Variants in MYH11 observed in about 807,000 individuals in gnomAD.
MYH11 encodes myosin-11.
In MYH11, 80 loss-of-function variants were observed where a neutral mutation model predicts 246.6. The ratio of observed to expected loss-of-function variants is 0.32; its 90% CI spans 0.27 to 0.39. MYH11 has a LOEUF of 0.39. Among genes scored for constraint, MYH11 ranks in the 10% least tolerant of loss-of-function variants. MYH11 has a pLI of 1.00. For missense variants in MYH11, 2,158 were observed against 2,546.8 expected, an observed-to-expected ratio of 0.85 and a Z score of 3.29; for synonymous variants, 1,071 against 1,015.5, an observed-to-expected ratio of 1.05 and a Z score of -1.04.
chr16:15,842,762 C>CAAAAAAAAAAAAAAAAAAA (rs757920488), intron 1 of MYH11, among the ~76,000 whole-genome samples: 3 of 19,674 alleles, frequency 1.5e-4, no homozygotes, highest in African/African-American at 3.3e-4. Context: ...AGACTTCATC[C>CAAAAAAAAAAAAAAAAAAA]AAAAAAAAAA....
chr16:15,710,921 G>A (rs1236188836), intron 40 of MYH11, among the ~76,000 whole-genome samples: 2 of 152,036 alleles, frequency 1.3e-5, no homozygotes, highest in Non-Finnish European at 2.9e-5. Context: ...CAGGTGATCA[G>A]CCCACCTCAG....
At chr16:15,801,519 A>G (rs897931704) in intron 3 of MYH11, among the ~76,000 whole-genome samples, 1 of 151,410 alleles carries the variant, frequency 6.6e-6, no homozygotes, top group African/African-American at 2.4e-5. Context: ...TTAATTAGCT[A>G]TGTGTGATAG....
At chr16:15,855,665 A>G (rs1411166920) in intron 1 of MYH11, among the ~76,000 whole-genome samples, 2 of 152,230 alleles carry the variant, frequency 1.3e-5, no homozygotes. Context: ...AACGGTAGCT[A>G]TCTCAAAGGG....
intron 25 of MYH11, 46 bp downstream of exon 25, chr16:15,737,403 G>A (rs2041150194): frequency 6.2e-7 from 1 of 1,603,926 alleles, no homozygotes; most frequent in Non-Finnish European, 8.5e-7. Context: ...CAGGGGCCCA[G>A]GGGATACATG....
In MYH11 at chr16:15,741,479, A is replaced by G. The variant is rs749945246; in HGVS notation, c.2843T>C (p.Met948Thr). The G allele has an allele frequency of 1.2e-6, 2 of 1,608,346 alleles. No individual in the cohort carries two copies. The highest frequency in any genetic ancestry group is 2.2e-5 in the East Asian group (1 of 44,870). The change falls in exon 22 of 41, where the codon ATG becomes ACG. Residue 948 changes from methionine (M) to threonine (T), a missense_variant. Physicochemically the swap from Met to Thr is moderately conservative, Grantham distance 81 (BLOSUM62 -1). Around this residue, in one of 11 missense-constraint regions of MYH11, gnomAD observed 284 missense variants for 315.4 expected, o/e 0.90. Transcript: ENST00000300036. ...ACACCTTACCAGCATCTGCTGGGCC[A>G]TCTTCTTCCTTTCAGCCTGTAGCTG... ...GQQLQAERKK[M>T]AQQMLDLEEQ...
chr16:15,838,897 T>A (rs1341333174), intron 1 of MYH11, among the ~76,000 whole-genome samples: 2 of 144,522 alleles, frequency 1.4e-5, no homozygotes, highest in Non-Finnish European at 1.5e-5. Flanking sequence ...CGGAAGTAAG[T>A]GTACACGTGC....
chr16:15,757,710 G>A, intron 13 of MYH11, 117 bp downstream of exon 13: 5 of 1,308,636 alleles, frequency 3.8e-6, no homozygotes, highest in Non-Finnish European at 5.4e-6. Context: ...ACTGGGTGAT[G>A]GATTGGGTGG....
chr16:15,714,880 G>T (rs368788669), intron 40 of MYH11, 29 bp downstream of exon 40: 16 of 1,611,994 alleles, frequency 9.9e-6, no homozygotes, highest in Non-Finnish European at 1.4e-5. Flanking sequence ...CCTGAGAGAC[G>T]GGGTCCTCCC....
At chr16:15,745,844 C>G (rs1297383107) in intron 19 of MYH11, among the ~76,000 whole-genome samples, 1 of 152,094 alleles carries the variant, frequency 6.6e-6, no homozygotes, top group Non-Finnish European at 1.5e-5. Context: ...ACCTTGGCCT[C>G]CCAAAGTGCT....
chr16:15,811,146 C>T (rs1043795245), intron 3 of MYH11, among the ~76,000 whole-genome samples: 2 of 152,076 alleles, frequency 1.3e-5, no homozygotes, highest in African/African-American at 2.4e-5. Flanking sequence ...TGAGACACAG[C>T]GAGAAGGCAG....
intron 3 of MYH11, among the ~76,000 whole-genome samples, chr16:15,818,595 T>C (rs1596894548): frequency 6.6e-6 from 1 of 151,908 alleles, no homozygotes; most frequent in African/African-American, 2.4e-5. Context: ...CCACTGTGCC[T>C]GGCTAGTTTT....
intron 10 of MYH11, among the ~76,000 whole-genome samples, chr16:15,762,460 C>T (rs1354342359): frequency 6.6e-6 from 1 of 152,172 alleles, no homozygotes; most frequent in Non-Finnish European, 1.5e-5. Flanking sequence ...GATAACATCA[C>T]TATTGTAAAA....
chr16:15,717,231 C>T lies in MYH11; in HGVS notation c.5413G>A (p.Glu1805Lys). 1 of 1,614,228 alleles carries T rather than the reference C, an allele frequency of 6.2e-7. No homozygotes were observed. Residue 1805 changes from glutamate to lysine, a missense_variant, in exon 38 of 41, where the codon GAG (glutamate) becomes AAG (lysine). Physicochemically the swap from Glu to Lys is moderately conservative, Grantham distance 56 (BLOSUM62 1). This residue lies in a region of MYH11 where 1,013 missense variants were observed against 993.5 expected (regional missense o/e 1.02). Transcript: ENST00000300036. ...TTGAACTTGGACTTGACGGCCCCCT[C>T]CATCTCGTGGAGCTTGCTCCGGAGC... ...KELRSKLHEM[E>K]GAVKSKFKST...
intron 3 of MYH11, among the ~76,000 whole-genome samples, chr16:15,804,638 C>G (rs891800899): frequency 6.6e-6 from 1 of 152,134 alleles, no homozygotes; most frequent in Admixed American, 6.6e-5. Context: ...TCTGTCACCC[C>G]CAAATGAAAC....
At position 15,739,921 on chromosome 16, in the gene MYH11, T is replaced by C. The variant is rs1340482382; in HGVS notation, c.2997+130A>G. 6.2e-6 allele frequency: 6 copies of C among 968,856 alleles called. No homozygotes were observed. In the African/African-American group the frequency reaches 8.1e-5, roughly 13 times the overall value. 60.0% of individuals were successfully genotyped at this position (968,856 alleles called of 1,614,324 possible). On this transcript the variant is annotated intron_variant, in intron 23 of 40. Transcript: ENST00000300036. ...CACACCTGGCTAATCTTTGTATTTTTAGTAGAGATGGAGTTTTACCCTGTT... is the reference window on the plus strand; with the variant it reads ...CACACCTGGCTAATCTTTGTATTTTCAGTAGAGATGGAGTTTTACCCTGTT...
rs771296624 is a variant in MYH11, at chr16:15,771,625, A to G, written c.977T>C (p.Phe326Ser). ...PIPAAQDDEM[F>S]QETVEAMAIM... ...TGCCATGGCCTCCACGGTTTCCTGG[A>G]ACATCTCATCATCCTGGGCTGCTGG... The change falls in exon 9 of 41, where the codon TTC (phenylalanine) becomes TCC (serine). Residue 326 changes from phenylalanine (F) to serine (S), a missense_variant. Physicochemically the swap from Phe to Ser is radical, Grantham distance 155. This residue lies in a region of MYH11 where 75 missense variants were observed against 70.0 expected (regional missense o/e 1.07). Transcript: ENST00000300036. 6.2e-7 allele frequency: 1 copy of G among 1,614,038 alleles called. No individual in the cohort carries two copies. Among genetic ancestry groups the G allele is most frequent in the Non-Finnish European group, 8.5e-7 (1 of 1,180,010 alleles).
chr16:15,817,336 A>G (rs542894588), intron 3 of MYH11, among the ~76,000 whole-genome samples: 2 of 152,222 alleles, frequency 1.3e-5, no homozygotes, highest in East Asian at 3.9e-4. Context: ...TACTAAAAAT[A>G]CAAAAATTAG....
rs369335485 is a variant in MYH11 at position 15,724,200 on chromosome 16, G to C, written c.4326C>G (p.Leu1442=). Residue 1442 remains leucine, a synonymous_variant, in exon 31 of 41, where the codon CTC becomes CTG. Transcript: ENST00000300036. ...TCTGCTTCTTTTCCAGGTTGGACAC[G>C]AGTTGCCGCTGGTTGTCCAAATCAA... is the stretch of plus-strand genomic sequence containing the variant. ...LVVDLDNQRQ[L]VSNLEKKQRK... 1.2e-6 allele frequency: 2 copies of C among 1,613,936 alleles called. No individual in the cohort carries two copies. The highest frequency in any genetic ancestry group is 2.7e-5 in the African/African-American group (2 of 74,912).
intron 40 of MYH11, 91 bp downstream of exon 40, chr16:15,714,818 A>T: frequency 6.7e-7 from 1 of 1,491,602 alleles, no homozygotes; most frequent in East Asian, 2.3e-5. Flanking sequence ...CTGTGGGCAC[A>T]AGGGGCATTT....
Sources: gnomAD v4.1 joint callset for allele counts (sites outside exome capture counted in the v4.1 genomes callset) on GRCh38, gnomAD v4.1.1 for gene constraint, gnomAD v4.1.1 regional missense constraint, MANE v1.5 for transcripts, NCBI Gene and HGNC (gene_info 2026-07-23, HGNC 2026-07-21) for gene names.